The following ADAMTSL1 variants were observed in gnomAD, a reference collection of about 807,000 sequenced individuals.
ADAMTSL1 encodes ADAMTS-like protein 1.
Under a neutral mutation model 201.8 loss-of-function variants are expected in ADAMTSL1, and 126 were observed. The observed-to-expected ratio is 0.62, with a 90% confidence interval of 0.54 to 0.72. The LOEUF (loss-of-function observed/expected upper bound fraction) is 0.72, where lower values mean the gene tolerates loss of function less well. Among genes scored for constraint, ADAMTSL1 ranks in the 30% least tolerant of loss-of-function variants. The pLI is 0.00. For missense variants in ADAMTSL1, 2,679 were observed against 2,277.8 expected (o/e 1.18, Z -3.59); for synonymous variants, 1,121 against 903.4 (o/e 1.24, Z -4.32).
chr9:18,288,088 C>G (rs974841849), intron 2 of ADAMTSL1, among the ~76,000 whole-genome samples: 1 of 151,942 alleles, frequency 6.6e-6, no homozygotes, highest in African/African-American at 2.4e-5. Context: ...GGATGACAAA[C>G]CAGGATGGGC....
At chr9:18,469,655 C>G (rs1238223258), upstream of ADAMTSL1, among the ~76,000 whole-genome samples, 1 of 152,196 alleles carries the variant, frequency 6.6e-6, no homozygotes, top group Non-Finnish European at 1.5e-5. Context: ...CTTCCCTGAT[C>G]CAGCTAATAA....
At chr9:18,040,552 G>A (rs1320725479) in intron 1 of ADAMTSL1, among the ~76,000 whole-genome samples, 1 of 152,122 alleles carries the variant, frequency 6.6e-6, no homozygotes, top group African/African-American at 2.4e-5. Flanking sequence ...AGTAGAGCTT[G>A]AGCAGTCCTG....
intron 1 of ADAMTSL1, among the ~76,000 whole-genome samples, chr9:18,056,472 A>G (rs968571677): frequency 1.3e-5 from 2 of 152,078 alleles, no homozygotes; most frequent in Non-Finnish European, 2.9e-5. Flanking sequence ...CAGAAAGCAG[A>G]TGAGTAATTC....
chr9:18,544,313 C>T (rs1035167659), intron 3 of ADAMTSL1, among the ~76,000 whole-genome samples: 4 of 152,176 alleles, frequency 2.6e-5, no homozygotes, highest in Non-Finnish European at 4.4e-5. Flanking sequence ...CAGCATTAAA[C>T]ATTTCCTTCC....
intron 2 of ADAMTSL1, among the ~76,000 whole-genome samples, chr9:18,204,007 A>C (rs1026473638): frequency 5.9e-5 from 9 of 152,194 alleles, no homozygotes; most frequent in Non-Finnish European, 8.8e-5. Context: ...TTACTGAGTC[A>C]GAAGTCTGTC....
At chr9:18,850,668 C>G (rs964474176) in intron 23 of ADAMTSL1, among the ~76,000 whole-genome samples, 1 of 152,158 alleles carries the variant, frequency 6.6e-6, no homozygotes, top group Admixed American at 6.5e-5. Context: ...GTAGAGGGAT[C>G]GGGTAAGTTA....
intron 1 of ADAMTSL1, among the ~76,000 whole-genome samples, chr9:17,930,059 A>G (rs1454049116): frequency 2.6e-5 from 4 of 152,220 alleles, no homozygotes; most frequent in African/African-American, 9.6e-5. Context: ...ATTATTAATT[A>G]CAGCAGCACC....
chr9:18,886,100 A>C (rs1259154458), intron 23 of ADAMTSL1, among the ~76,000 whole-genome samples: 1 of 149,288 alleles, frequency 6.7e-6, no homozygotes, highest in Non-Finnish European at 1.5e-5. Flanking sequence ...CAGCCTGGCC[A>C]ACATGGTGAA....
intron 2 of ADAMTSL1, among the ~76,000 whole-genome samples, chr9:18,225,866 A>G (rs1830417525): frequency 6.6e-6 from 1 of 152,102 alleles, no homozygotes; most frequent in African/African-American, 2.4e-5. Context: ...TGAGGTGTGT[A>G]TTAAAATAAC....
intron 23 of ADAMTSL1, among the ~76,000 whole-genome samples, chr9:18,861,005 CATACACATCCCTCGTTTCACAGAGATCAT>C (rs1563866423): frequency 3.9e-5 from 6 of 152,186 alleles, no homozygotes; most frequent in Non-Finnish European, 7.3e-5. Flanking sequence ...GCAGAGATCA[CATACACATCCCTCGTTTCACAGAGATCAT>C]ATACACATCC....
Position 18,048,807 on chromosome 9 carries a change from C to A in ADAMTSL1, c.88-115055C>A, listed in dbSNP as rs556637873. 6.6e-5 allele frequency among the ~76,000 whole-genome samples: 10 copies of A among 152,298 alleles called. 1 individual carries two copies. The highest frequency in any genetic ancestry group is 2.4e-4 in the African/African-American group (10 of 41,572). On this transcript the variant is annotated intron_variant, in intron 1 of 29. Coordinates refer to the ADAMTSL1 transcript ENST00000680146. ...GTGCTTCAGGAAGACTGTCCAGCCC[C>A]AGACAGTCCATCCCATATGTCTATT...
At chr9:18,367,873 G>A (rs1836844972) in intron 2 of ADAMTSL1, among the ~76,000 whole-genome samples, 1 of 151,620 alleles carries the variant, frequency 6.6e-6, no homozygotes, top group Non-Finnish European at 1.5e-5. Flanking sequence ...AGATGAAGGA[G>A]TCTTGTATTT....
At chr9:17,961,848 T>TC (rs1817768213) in intron 1 of ADAMTSL1, among the ~76,000 whole-genome samples, 1 of 152,112 alleles carries the variant, frequency 6.6e-6, no homozygotes. Context: ...TCACCACAGC[T>TC]CTAGCACCTC....
rs143689797 is a variant in ADAMTSL1 at position 18,191,950 on chromosome 9, T to A, written c.207+27969T>A. 5.4e-4 allele frequency among the ~76,000 whole-genome samples: 82 copies of A among 152,274 alleles called. 1 individual carries two copies. In the East Asian group the frequency reaches 0.013, roughly 24 times the overall value. ...CTTATTGTTACTTTAATTATAATTGTGTAACTGGCCCTCTGATAAGTGCAA... is the reference window on the plus strand; with the variant it reads ...CTTATTGTTACTTTAATTATAATTGAGTAACTGGCCCTCTGATAAGTGCAA... On this transcript the variant is annotated intron_variant, in intron 2 of 29. Coordinates refer to the ADAMTSL1 transcript ENST00000680146.
At chr9:18,363,365 T>A (rs1189534331) in intron 2 of ADAMTSL1, among the ~76,000 whole-genome samples, 1 of 152,236 alleles carries the variant, frequency 6.6e-6, no homozygotes, top group Non-Finnish European at 1.5e-5. Context: ...CTCATTTGCC[T>A]ATTATAAGCC....
At chr9:18,685,224 G>T (rs1336779682) in intron 13 of ADAMTSL1, among the ~76,000 whole-genome samples, 2 of 152,196 alleles carry the variant, frequency 1.3e-5, no homozygotes, top group Non-Finnish European at 2.9e-5. Flanking sequence ...GGCAAAGGAA[G>T]TTCATTAACT....
At chr9:18,366,828 A>G (rs1175750273) in intron 2 of ADAMTSL1, among the ~76,000 whole-genome samples, 2 of 151,952 alleles carry the variant, frequency 1.3e-5, no homozygotes, top group African/African-American at 4.8e-5. Context: ...GGCTGGTCTC[A>G]AACTCCTGAC....
At chr9:18,293,400 A>AT (rs1563865120) in intron 2 of ADAMTSL1, among the ~76,000 whole-genome samples, 35 of 152,352 alleles carry the variant, frequency 2.3e-4, no homozygotes, top group African/African-American at 8.4e-4. Flanking sequence ...GGCATATGTC[A>AT]TCAAGAACTG....
At chr9:18,474,413 TA>T in intron 1 of ADAMTSL1, 118 bp downstream of exon 1, 1 of 990,826 alleles carries the variant, frequency 1.0e-6, no homozygotes. Flanking sequence ...AAACTCCAGG[TA>T]AAATAATTTA....
Sources: allele counts gnomAD v4.1 joint callset (sites outside exome capture counted in the v4.1 genomes callset), GRCh38; gene constraint gnomAD v4.1.1; transcripts MANE v1.5; gene names NCBI Gene and HGNC (gene_info 2026-07-23, HGNC 2026-07-21).